EYA3: variants seen among roughly 807,000 people sequenced by gnomAD.
EYA3 encodes protein phosphatase EYA3.
In EYA3, 39 loss-of-function variants were observed where a neutral mutation model predicts 80.0. The ratio of observed to expected loss-of-function variants is 0.49; its 90% confidence interval spans 0.38 to 0.64. The LOEUF (loss-of-function observed/expected upper bound fraction) is 0.64, where lower values mean the gene tolerates loss of function less well. EYA3 is among the 30% of genes least tolerant of loss of function. The probability of loss-of-function intolerance (pLI) is 0.00; values close to 1 mark genes in which losing one functional copy is unlikely to be tolerated. For synonymous variants in EYA3, 206 were observed against 232.8 expected (o/e 0.88, Z 1.05); for missense variants, 523 against 676.1 (o/e 0.77, Z 2.51).
chr1:28,078,527 T>TA (rs1387054162), intron 1 of EYA3, among the ~76,000 whole-genome samples: 5 of 151,954 alleles, frequency 3.3e-5, no homozygotes, highest in African/African-American at 1.2e-4. Context: ...GTACTTTTAA[T>TA]ATATTAACTA....
chr1:28,062,693 T>TGTG (rs1553155518), intron 1 of EYA3, among the ~76,000 whole-genome samples: 33 of 150,186 alleles, frequency 2.2e-4, no homozygotes, highest in Admixed American at 1.1e-3. Flanking sequence ...TGTGTGTGTG[T>TGTG]TCTGTTTGTT....
At chr1:28,046,970 C>T (rs539471835) in intron 3 of EYA3, among the ~76,000 whole-genome samples, 3 of 151,712 alleles carry the variant, frequency 2.0e-5, no homozygotes, top group African/African-American at 2.4e-5. Context: ...GCCTCAGCCC[C>T]GAGTAGCTGG....
chr1:27,976,805 C>T (rs893633261), intron 17 of EYA3, among the ~76,000 whole-genome samples: 1 of 152,058 alleles, frequency 6.6e-6, no homozygotes, highest in Non-Finnish European at 1.5e-5. Context: ...GCAACCTCCG[C>T]CTTCAGGGTT....
intron 10 of EYA3, among the ~76,000 whole-genome samples, chr1:28,008,397 A>G (rs1557560270): frequency 6.6e-6 from 1 of 152,056 alleles, no homozygotes; most frequent in South Asian, 2.1e-4. Context: ...AGAAAACAAA[A>G]CAAAACAAAA....
In EYA3 at chr1:28,042,640, T is replaced by A; in HGVS notation, c.88A>T (p.Asn30Tyr). 1.2e-6 allele frequency: 2 copies of A among 1,614,098 alleles called. No individual in the cohort carries two copies. The highest frequency in any genetic ancestry group is 4.5e-5 in the East Asian group (2 of 44,890). Reference sequence around the variant, plus strand: ...GGCTTCTGATCACTGACATCTGGATTGCTTACTTGACTGGGAGAACCAAAA... The same window carrying A: ...GGCTTCTGATCACTGACATCTGGATAGCTTACTTGACTGGGAGAACCAAAA... ...SGEQTISQVS[N>Y]PDVSDQKPET... Residue 30 changes from asparagine to tyrosine, a missense_variant, in exon 4 of 18, where the codon AAT (asparagine) becomes TAT (tyrosine). Asn to Tyr is a moderately radical substitution (Grantham distance 143, BLOSUM62 -2). This residue lies in a region of EYA3 where 304 missense variants were observed against 343.3 expected (regional missense o/e 0.89). Transcript: ENST00000373871.
chr1:28,022,611 T>C (rs1262102237), intron 7 of EYA3, among the ~76,000 whole-genome samples: 1 of 152,220 alleles, frequency 6.6e-6, no homozygotes, highest in Non-Finnish European at 1.5e-5. Flanking sequence ...TAGATATGTG[T>C]ATTTACATAG....
intron 10 of EYA3, among the ~76,000 whole-genome samples, chr1:28,005,427 C>A (rs1170340931): frequency 6.6e-6 from 1 of 152,166 alleles, no homozygotes; most frequent in African/African-American, 2.4e-5. Flanking sequence ...TAAAAATACT[C>A]AACAGGCCAG....
chr1:28,018,831 G>A (rs1642239195), intron 7 of EYA3, among the ~76,000 whole-genome samples: 1 of 152,208 alleles, frequency 6.6e-6, no homozygotes, highest in African/African-American at 2.4e-5. Context: ...TTCATCCAGT[G>A]CTTCTTCCTC....
chr1:28,078,231 T>C (rs1037448413), intron 1 of EYA3, among the ~76,000 whole-genome samples: 1 of 152,184 alleles, frequency 6.6e-6, no homozygotes, highest in Non-Finnish European at 1.5e-5. Context: ...ACGGCCCAAA[T>C]AACAAGTGGT....
At position 28,007,018 on chromosome 1, in the gene EYA3, G is replaced by C. The variant is rs1026095444; in HGVS notation, c.910-2599C>G. Among the ~76,000 whole-genome samples, 5 of 137,270 alleles carry C rather than the reference G, an allele frequency of 3.6e-5. No individual in the cohort carries two copies. In the Admixed American group the frequency reaches 4.1e-4, roughly 11 times the overall value. The allele number at this position is 137,270 out of a possible 152,430, so 90.1% of individuals were successfully genotyped here. On this transcript the variant is annotated intron_variant, in intron 10 of 17. Coordinates refer to ENST00000373871, the MANE Select transcript of EYA3 (RefSeq NM_001990.4). ...TGTAGTGGTGCAATCTGGGCTCACTGCAACCTCCACCTCCTAGGTTCAAGC... is the reference window on the plus strand; with the variant it reads ...TGTAGTGGTGCAATCTGGGCTCACTCCAACCTCCACCTCCTAGGTTCAAGC...
intron 1 of EYA3, among the ~76,000 whole-genome samples, chr1:28,059,870 C>A (rs1644561450): frequency 1.3e-5 from 2 of 151,908 alleles, no homozygotes; most frequent in Admixed American, 1.3e-4. Flanking sequence ...ACAGGCGCGC[C>A]ACCATGCCTG....
intron 1 of EYA3, among the ~76,000 whole-genome samples, chr1:28,080,576 T>C (rs1002531580): frequency 5.3e-5 from 8 of 151,840 alleles, no homozygotes; most frequent in African/African-American, 1.9e-4. Context: ...AATATGTACA[T>C]ATATGTGTCT....
rs74870581 is a variant in EYA3 at position 27,973,688 on chromosome 1, C to T, written c.*778G>A. The stretch of plus-strand genomic sequence containing the variant: ...ACTCAGTGTCCAGTGCCCCACAGTT[C>T]ACCAGCTAGGAGATAGAAGAACAGG... On this transcript the variant is annotated 3_prime_UTR_variant, in exon 18 of 18. Coordinates refer to ENST00000373871, the MANE Select transcript of EYA3 (RefSeq NM_001990.4). 0.014 allele frequency: 2,121 copies of T among 152,290 alleles called. 30 individuals are homozygous for T. Among genetic ancestry groups the T allele is most frequent in the Middle Eastern group, 0.041 (12 of 292 alleles). 9.4% of individuals were successfully genotyped at this position (152,290 alleles called of 1,614,324 possible).
intron 1 of EYA3, among the ~76,000 whole-genome samples, chr1:28,087,100 G>A (rs1187172411): frequency 6.6e-6 from 1 of 152,108 alleles, no homozygotes; most frequent in African/African-American, 2.4e-5. Flanking sequence ...ATAGATTACA[G>A]AAACTGATGA....
At chr1:27,997,212 G>A (rs1054205410) in intron 13 of EYA3, 108 bp downstream of exon 13, 1 of 1,000,400 alleles carries the variant, frequency 1.0e-6, no homozygotes, top group Admixed American at 1.8e-5. Flanking sequence ...CAGGTTGTGA[G>A]CTCTTTCAGA....
chr1:27,989,693 A>G lies in EYA3; in HGVS notation c.1418+4T>C. Reference sequence around the variant, plus strand: ...GATGAGACCTAAAAGAACCATTTCCATACCTGGACTGGATGAGAAGTAAGG... The same window carrying G: ...GATGAGACCTAAAAGAACCATTTCCGTACCTGGACTGGATGAGAAGTAAGG... On this transcript the variant is annotated splice_donor_region_variant and intron_variant, in intron 15 of 17. Coordinates refer to ENST00000373871, the MANE Select transcript of EYA3 (RefSeq NM_001990.4). 2 of 1,585,292 alleles carry G rather than the reference A, an allele frequency of 1.3e-6. No homozygotes were observed. Among genetic ancestry groups the G allele is most frequent in the Non-Finnish European group, 1.7e-6 (2 of 1,158,144 alleles).
At chr1:27,994,560 G>C (rs1304081116) in intron 13 of EYA3, among the ~76,000 whole-genome samples, 1 of 152,148 alleles carries the variant, frequency 6.6e-6, no homozygotes, top group Non-Finnish European at 1.5e-5. Context: ...GGTGGCGCAT[G>C]CCTGTAGTCC....
intron 3 of EYA3, among the ~76,000 whole-genome samples, chr1:28,047,589 A>C (rs1205893402): frequency 6.6e-6 from 1 of 151,634 alleles, no homozygotes; most frequent in Non-Finnish European, 1.5e-5. Context: ...ACTGAAAACC[A>C]TGGTATGAAG....
intron 1 of EYA3, among the ~76,000 whole-genome samples, chr1:28,064,514 T>C (rs1392469200): frequency 6.6e-6 from 1 of 151,432 alleles, no homozygotes; most frequent in Non-Finnish European, 1.5e-5. Flanking sequence ...TAATAATGAA[T>C]ATTTTGGGAG....
Sources: gnomAD v4.1 joint callset for allele counts (sites outside exome capture counted in the v4.1 genomes callset) on GRCh38, gnomAD v4.1.1 for gene constraint, gnomAD v4.1.1 regional missense constraint, MANE v1.5 for transcripts, NCBI Gene and HGNC (gene_info 2026-07-23, HGNC 2026-07-21) for gene names.